Variants in OSBPL3 observed in about 807,000 individuals in gnomAD.
The protein encoded by OSBPL3 is oxysterol-binding protein-related protein 3.
In OSBPL3, 65 loss-of-function variants were observed where a neutral mutation model predicts 120.1. The observed-to-expected ratio is 0.54, with a 90% CI of 0.44 to 0.67. The LOEUF (loss-of-function observed/expected upper bound fraction) is 0.67. Among genes scored for constraint, OSBPL3 ranks in the 30% least tolerant of loss-of-function variants. The pLI, the probability that OSBPL3 is intolerant of heterozygous loss-of-function variation, is 0.00. For missense variants in OSBPL3, 1,004 were observed against 1,082.1 expected, an observed-to-expected ratio of 0.93 and a Z score of 1.01; for synonymous variants, 416 against 402.6, an observed-to-expected ratio of 1.03 and a Z score of -0.40.
chr7:24,827,391 G>A lies in OSBPL3; in HGVS notation c.1884+3377C>T, dbSNP rs533305532. Among the ~76,000 whole-genome samples, 9 of 152,272 alleles carry A rather than the reference G, an allele frequency of 5.9e-5. No homozygotes were observed. Among genetic ancestry groups the A allele is most frequent in the Non-Finnish European group, 1.2e-4 (8 of 68,016 alleles). Reference sequence around the variant, plus strand: ...TGGGAGAGGGAAAGAGGGGTACTGAGCTGATAGGCTCCTGCTGGCCAGGGA... The same window carrying A: ...TGGGAGAGGGAAAGAGGGGTACTGAACTGATAGGCTCCTGCTGGCCAGGGA... On this transcript the variant is annotated intron_variant, in intron 16 of 22. Coordinates refer to ENST00000313367, the MANE Select transcript of OSBPL3 (RefSeq NM_015550.4). This position sits in a 1 kb window ranked among gnomAD's most constrained non-coding sequence, Gnocchi z 5.1.
rs567757763 is a variant in OSBPL3 at position 24,843,190 on chromosome 7, CTGAA to C, written c.1267-781_1267-778del. Among the ~76,000 whole-genome samples the C allele has an allele frequency of 7.9e-3, 1,206 of 152,256 alleles. 7 individuals carry two copies. Among genetic ancestry groups the C allele is most frequent in the Middle Eastern group, 0.044 (13 of 294 alleles). On this transcript the variant is annotated intron_variant, in intron 12 of 22. Transcript: ENST00000313367. ...CAATGAACCAGACAAGGTTTGTGGA[CTGAA>C]TGAATGGTGAGAGAACGCATCCAAC...
At chr7:24,978,981 T>C (rs1817885710) in intron 1 of OSBPL3, among the ~76,000 whole-genome samples, 1 of 152,074 alleles carries the variant, frequency 6.6e-6, no homozygotes, top group Non-Finnish European at 1.5e-5. Flanking sequence ...CTGGACGACC[T>C]GCGACAGTGC....
intron 1 of OSBPL3, among the ~76,000 whole-genome samples, chr7:24,893,630 G>T (rs1281185755): frequency 6.6e-6 from 1 of 152,038 alleles, no homozygotes; most frequent in African/African-American, 2.4e-5. Flanking sequence ...TGGCCAACAT[G>T]GTGAAACTCT....
intron 1 of OSBPL3, among the ~76,000 whole-genome samples, chr7:24,950,885 C>A (rs1055516341): frequency 6.6e-6 from 1 of 151,892 alleles, no homozygotes; most frequent in Non-Finnish European, 1.5e-5. Flanking sequence ...AAAGTCAATG[C>A]TCAACAGTTA....
rs141962989 is a variant in OSBPL3, at chr7:24,908,597, G to A, written c.-149-15976C>T. 3.5e-4 allele frequency among the ~76,000 whole-genome samples: 54 copies of A among 152,230 alleles called. No individual in the cohort carries two copies. The East Asian group carries it at 9.3e-3, about 26-fold the overall frequency. ...ATCATATTCTAGTCACGAGAACCAC[G>A]CTAACCGTGGTGAGACAGATCCAGT... On this transcript the variant is annotated intron_variant, in intron 1 of 22. Coordinates refer to ENST00000313367, the MANE Select transcript of OSBPL3 (RefSeq NM_015550.4).
intron 1 of OSBPL3, among the ~76,000 whole-genome samples, chr7:24,944,076 T>TAAAAAAA (rs70942898): frequency 1.7e-5 from 2 of 118,682 alleles, no homozygotes; most frequent in African/African-American, 3.4e-5. Flanking sequence ...CAGTCTAAAG[T>TAAAAAAA]AAAAAAAAAA....
In OSBPL3 at chr7:24,898,230, G is replaced by A. The variant is rs1806461005; in HGVS notation, c.-149-5609C>T. On this transcript the variant is annotated intron_variant, in intron 1 of 22. Transcript: ENST00000313367. The surrounding 1 kb of genome is among the most constrained non-coding windows in gnomAD (Gnocchi z 4.3). ...CAGCATCAGAAGTTTCTGGAAGCAG[G>A]TTCTAATCACAACTTCAGATACCGA... is the stretch of plus-strand genomic sequence containing the variant. Among the ~76,000 whole-genome samples, 1 of 152,176 alleles carries A rather than the reference G, an allele frequency of 6.6e-6. No individual in the cohort carries two copies. Among genetic ancestry groups the A allele is most frequent in the South Asian group, 2.1e-4 (1 of 4,824 alleles).
intron 2 of OSBPL3, among the ~76,000 whole-genome samples, chr7:24,882,795 T>C (rs1803907267): frequency 1.3e-5 from 2 of 152,258 alleles, no homozygotes; most frequent in Non-Finnish European, 2.9e-5. Flanking sequence ...TATCTCATTG[T>C]GGTTTTGATT....
At chr7:24,957,322 C>A (rs1452916569) in intron 1 of OSBPL3, among the ~76,000 whole-genome samples, 5 of 151,882 alleles carry the variant, frequency 3.3e-5, no homozygotes, top group African/African-American at 1.2e-4. Flanking sequence ...ATGCCCCAAA[C>A]AAACAAATCT....
chr7:24,903,617 C>A (rs758752454), intron 1 of OSBPL3, among the ~76,000 whole-genome samples: 2 of 152,204 alleles, frequency 1.3e-5, no homozygotes, highest in South Asian at 4.1e-4. Flanking sequence ...ATACCTCAAG[C>A]GGACTTTTCA....
rs1171632650 is a variant in OSBPL3 at position 24,933,197 on chromosome 7, G to A, written c.-149-40576C>T. Among the ~76,000 whole-genome samples, 2 of 152,164 alleles carry A rather than the reference G, an allele frequency of 1.3e-5. No individual in the cohort carries two copies. The highest frequency in any genetic ancestry group is 4.8e-5 in the African/African-American group (2 of 41,426). Reference sequence around the variant, plus strand: ...TAAAATGGGGAATAAAGAGGACAGGGACATTCAATTACACGTGTTCAAAGG... The same window carrying A: ...TAAAATGGGGAATAAAGAGGACAGGAACATTCAATTACACGTGTTCAAAGG... On this transcript the variant is annotated intron_variant, in intron 1 of 22. Coordinates refer to ENST00000313367, the MANE Select transcript of OSBPL3 (RefSeq NM_015550.4). This position sits in a 1 kb window ranked among gnomAD's most constrained non-coding sequence, Gnocchi z 5.1.
At chr7:24,839,961 A>T (rs1797497510) in intron 14 of OSBPL3, among the ~76,000 whole-genome samples, 1 of 120,644 alleles carries the variant, frequency 8.3e-6, no homozygotes. Flanking sequence ...ATTGTACTCC[A>T]GCCTGGGGAC....
At position 24,809,965 on chromosome 7, in the gene OSBPL3, G is replaced by A; in HGVS notation, c.2173-14C>T. 1 of 1,614,004 alleles carries A rather than the reference G, an allele frequency of 6.2e-7. No homozygotes were observed. The highest frequency in any genetic ancestry group is 8.5e-7 in the Non-Finnish European group (1 of 1,179,872). On this transcript the variant is annotated splice_polypyrimidine_tract_variant and intron_variant, in intron 19 of 22. Coordinates refer to ENST00000313367, the MANE Select transcript of OSBPL3 (RefSeq NM_015550.4). Reference sequence around the variant, plus strand: ...CCAGTATTTTGCCTAGGATTCAAATGAGTTGTTGGCTTAGTCCTTTAGCAT... The same window carrying A: ...CCAGTATTTTGCCTAGGATTCAAATAAGTTGTTGGCTTAGTCCTTTAGCAT...
chr7:24,826,265 C>T (rs539099521), intron 16 of OSBPL3, among the ~76,000 whole-genome samples: 1 of 152,108 alleles, frequency 6.6e-6, no homozygotes, highest in African/African-American at 2.4e-5. Flanking sequence ...AGGTTGAAAC[C>T]GATTTTTTGG....
chr7:24,800,465 T>TC (rs200070516), intron 22 of OSBPL3, among the ~76,000 whole-genome samples, 186 bp from the exon 23 acceptor site: 3,808 of 148,798 alleles, frequency 0.026, 96 homozygotes, highest in African/African-American at 0.063. Context: ...TTTTTTTTTT[T>TC]TTTTTTTTTG....
At position 24,855,913 on chromosome 7, in the gene OSBPL3, C is replaced by G. The variant is rs1007629604; in HGVS notation, c.1028-3279G>C. Among the ~76,000 whole-genome samples, 3 of 152,214 alleles carry G rather than the reference C, an allele frequency of 2.0e-5. No individual in the cohort carries two copies. On this transcript the variant is annotated intron_variant, in intron 10 of 22. Coordinates refer to ENST00000313367, the MANE Select transcript of OSBPL3 (RefSeq NM_015550.4). The surrounding 1 kb of genome is among the most constrained non-coding windows in gnomAD (Gnocchi z 4.3). ...TACCAAAGCCACCCACCCCACAACACGACCAACTCTTCACATCTCCAGCTT... is the reference window on the plus strand; with the variant it reads ...TACCAAAGCCACCCACCCCACAACAGGACCAACTCTTCACATCTCCAGCTT...
chr7:24,904,666 T>C (rs1807594347), intron 1 of OSBPL3, among the ~76,000 whole-genome samples: 1 of 152,184 alleles, frequency 6.6e-6, no homozygotes, highest in Non-Finnish European at 1.5e-5. Flanking sequence ...ATTATTCAGC[T>C]GTAAAAAACT....
rs773202313 is a variant in OSBPL3 at position 24,834,422 on chromosome 7, C to T, written c.1746+64G>A. On this transcript the variant is annotated intron_variant, in intron 15 of 22. Coordinates refer to ENST00000313367, the MANE Select transcript of OSBPL3 (RefSeq NM_015550.4). This position sits in a 1 kb window ranked among gnomAD's most constrained non-coding sequence, Gnocchi z 5.2. ...CAGGGGCTGTCTCTCTGATGGGCCC[C>T]GTGAATGGCCTCGTGGCTTGGGGAC... is the stretch of plus-strand genomic sequence containing the variant. 9.0e-6 allele frequency: 14 copies of T among 1,558,074 alleles called. No homozygotes were observed. The East Asian group carries it at 1.6e-4, about 18-fold the overall frequency.
At position 24,923,671 on chromosome 7, in the gene OSBPL3, T is replaced by G. The variant is rs73276206; in HGVS notation, c.-149-31050A>C. On this transcript the variant is annotated intron_variant, in intron 1 of 22. Coordinates refer to ENST00000313367, the MANE Select transcript of OSBPL3 (RefSeq NM_015550.4). ...GACAGGCAGACAGACAGCACGCACA[T>G]GCAATGAGACAGGGGCAGGCAAATA... is the stretch of plus-strand genomic sequence containing the variant. Among the ~76,000 whole-genome samples the G allele has an allele frequency of 2.6e-5, 4 of 152,096 alleles. No individual in the cohort carries two copies. The East Asian group carries it at 7.7e-4, about 29-fold the overall frequency.
Sources: gnomAD v4.1 joint callset for allele counts (sites outside exome capture counted in the v4.1 genomes callset) on GRCh38, gnomAD v4.1.1 for gene constraint, Gnocchi (gnomAD v3.1) non-coding constraint, MANE v1.5 for transcripts, NCBI Gene and HGNC (gene_info 2026-07-23, HGNC 2026-07-21) for gene names.